Variants in DPH6 observed in about 807,000 individuals in gnomAD.
DPH6 encodes diphthamine biosynthesis 6, also known as diphthine--ammonia ligase.
A neutral mutation model predicts 38.2 loss-of-function variants in DPH6; 33 were observed. That is an observed-to-expected ratio of 0.86 (90% CI 0.65 to 1.15). The LOEUF is 1.15. Among genes scored for constraint, DPH6 ranks in the 50% most tolerant of loss-of-function variants. The pLI, the probability that DPH6 is intolerant of heterozygous loss-of-function variation, is 0.00. For missense variants in DPH6, 325 were observed against 320.0 expected (o/e 1.02, Z -0.12); for synonymous variants, 108 against 103.0 (o/e 1.05, Z -0.30).
intron 3 of DPH6, among the ~76,000 whole-genome samples, chr15:35,491,270 G>A (rs78381878): frequency 0.018 from 2,740 of 151,962 alleles, 83 homozygotes; most frequent in African/African-American, 0.061. Context: ...GTTAATGAAC[G>A]CCTACATAAA....
intron 3 of DPH6, among the ~76,000 whole-genome samples, chr15:35,456,379 AGTGT>A (rs1199641542): frequency 1.3e-5 from 2 of 150,920 alleles, no homozygotes; most frequent in Non-Finnish European, 3.0e-5. Flanking sequence ...GATGTATAGG[AGTGT>A]GTGTATTTCT....
the DPH6 span, among the ~76,000 whole-genome samples, chr15:35,188,951 G>T: frequency 6.6e-6 from 1 of 152,070 alleles, no homozygotes; most frequent in African/African-American, 2.4e-5. Flanking sequence ...AGCATTAAAA[G>T]CCTGATGAAA....
the DPH6 span, among the ~76,000 whole-genome samples, chr15:35,209,608 T>C: frequency 1.1e-3 from 162 of 152,306 alleles, no homozygotes; most frequent in Non-Finnish European, 1.5e-3. Context: ...TATAATGTGA[T>C]ACATGGGCAG....
intron 4 of DPH6, among the ~76,000 whole-genome samples, chr15:35,451,349 G>A (rs2053930352): frequency 6.6e-6 from 1 of 152,092 alleles, no homozygotes; most frequent in Non-Finnish European, 1.5e-5. Flanking sequence ...AAAAATATAG[G>A]TTTTGGAGTG....
In DPH6 at chr15:35,403,094, T is replaced by TA. The variant is rs547314039; in HGVS notation, c.567+7740dup. Among the ~76,000 whole-genome samples the TA allele has an allele frequency of 3.7e-3, 560 of 152,224 alleles. 2 individuals are homozygous for TA. Among genetic ancestry groups the TA allele is most frequent in the African/African-American group, 0.012 (509 of 41,556 alleles). On this transcript the variant is annotated intron_variant, in intron 6 of 8. Coordinates refer to ENST00000256538, the MANE Select transcript of DPH6 (RefSeq NM_080650.4). The stretch of plus-strand genomic sequence containing the variant: ...GTATGTATAGTTGAATCCCATTATG[T>TA]AAATAAAATATACACAAGTGTTTAA...
At chr15:35,267,469 C>T (rs1026959570) in intron 3 of DPH6, among the ~76,000 whole-genome samples, 1 of 152,196 alleles carries the variant, frequency 6.6e-6, no homozygotes, top group Non-Finnish European at 1.5e-5. Flanking sequence ...GCCCTTATTC[C>T]TACTTCCTTA....
At chr15:35,337,244 G>A (rs1019547886) in intron 3 of DPH6, among the ~76,000 whole-genome samples, 7 of 152,144 alleles carry the variant, frequency 4.6e-5, no homozygotes, top group African/African-American at 1.2e-4. Context: ...AGAGGTGTTT[G>A]TAGTATTCTC....
At chr15:35,234,850 C>T (rs900817224) in intron 3 of DPH6, among the ~76,000 whole-genome samples, 1 of 152,052 alleles carries the variant, frequency 6.6e-6, no homozygotes, top group African/African-American at 2.4e-5. Context: ...CAGCTTATGG[C>T]AATGAGGAGA....
intron 4 of DPH6, among the ~76,000 whole-genome samples, chr15:35,454,383 T>C (rs1024143254): frequency 2.0e-5 from 3 of 152,182 alleles, no homozygotes; most frequent in African/African-American, 7.2e-5. Context: ...TTTAAAATAT[T>C]ACTGTATTCC....
rs200606520 is a variant in DPH6 at position 35,488,994 on chromosome 15, T to C, written c.313-34174A>G. Among the ~76,000 whole-genome samples the C allele has an allele frequency of 7.3e-5, 11 of 151,248 alleles. No individual in the cohort carries two copies. The East Asian group carries it at 1.7e-3, about 24-fold the overall frequency. On this transcript the variant is annotated intron_variant, in intron 3 of 8. Coordinates refer to ENST00000256538, the MANE Select transcript of DPH6 (RefSeq NM_080650.4). ...ACATTTTTGCCAGGAAAAAAAAAAATGCTGAACAGATAACTCCTTATCTAT... is the reference window on the plus strand; with the variant it reads ...ACATTTTTGCCAGGAAAAAAAAAAACGCTGAACAGATAACTCCTTATCTAT...
chr15:35,472,839 A>G (rs936039469), intron 3 of DPH6, among the ~76,000 whole-genome samples: 5 of 151,636 alleles, frequency 3.3e-5, no homozygotes, highest in Non-Finnish European at 5.9e-5. Flanking sequence ...CATCATCCCT[A>G]CCTTCATGGA....
downstream of DPH6, among the ~76,000 whole-genome samples, chr15:35,213,226 G>A (rs546172345): frequency 6.6e-6 from 1 of 152,202 alleles, no homozygotes; most frequent in Admixed American, 6.5e-5. Context: ...TAAGGGCAGG[G>A]GAAATGATCT....
At chr15:35,192,727 G>A in the DPH6 span, among the ~76,000 whole-genome samples, 1 of 152,052 alleles carries the variant, frequency 6.6e-6, no homozygotes, top group Non-Finnish European at 1.5e-5. Flanking sequence ...AATATTATTT[G>A]GTGAGAATAT....
At chr15:35,520,368 A>C (rs1213407227) in intron 3 of DPH6, 3 of 983,794 alleles carry the variant, frequency 3.0e-6, no homozygotes, top group Non-Finnish European at 3.6e-6. Flanking sequence ...GCTATTATAC[A>C]ACAGTATCAG....
chr15:35,341,068 A>G (rs577217330), intron 3 of DPH6, among the ~76,000 whole-genome samples: 1 of 152,094 alleles, frequency 6.6e-6, no homozygotes, highest in Admixed American at 6.6e-5. Context: ...GGTTTTGTTC[A>G]TTCCTTTTTA....
At chr15:35,224,076 C>T (rs2051461749) in intron 3 of DPH6, among the ~76,000 whole-genome samples, 1 of 148,808 alleles carries the variant, frequency 6.7e-6, no homozygotes. Context: ...AAGGCTCATC[C>T]AGTCTTTCTG....
At chr15:35,469,985 G>C (rs886976894) in intron 3 of DPH6, among the ~76,000 whole-genome samples, 3 of 152,152 alleles carry the variant, frequency 2.0e-5, no homozygotes, top group Non-Finnish European at 4.4e-5. Flanking sequence ...ATCACCTGAG[G>C]TCAGGAGTTT....
chr15:35,278,529 G>A (rs2051874355), intron 3 of DPH6, among the ~76,000 whole-genome samples: 1 of 152,338 alleles, frequency 6.6e-6, no homozygotes, highest in Admixed American at 6.5e-5. Flanking sequence ...CCTATACAGA[G>A]TCCCCACCAG....
chr15:35,170,482 G>A, the DPH6 span, among the ~76,000 whole-genome samples: 1 of 152,212 alleles, frequency 6.6e-6, no homozygotes, highest in East Asian at 1.9e-4. Context: ...TTATGTGTTT[G>A]GAGCATGAAG....
Sources: allele counts gnomAD v4.1 joint callset (sites outside exome capture counted in the v4.1 genomes callset), GRCh38; gene constraint gnomAD v4.1.1; transcripts MANE v1.5; gene names NCBI Gene and HGNC (gene_info 2026-07-23, HGNC 2026-07-21).